The following KCNIP4 variants were observed in gnomAD, a reference collection of about 807,000 sequenced individuals.
KCNIP4 encodes Kv channel-interacting protein 4.
KCNIP4 carries 12 observed loss-of-function variants against 34.0 expected under a neutral mutation model. The ratio of observed to expected loss-of-function variants is 0.35; its 90% CI spans 0.23 to 0.57. The LOEUF (loss-of-function observed/expected upper bound fraction) is 0.57. Among genes scored for constraint, KCNIP4 ranks in the 20% least tolerant of loss-of-function variants. The pLI is 0.83. For synonymous variants in KCNIP4, 124 were observed against 102.2 expected (o/e 1.21, Z -1.29); for missense variants, 238 against 311.7 (o/e 0.76, Z 1.78).
intron 1 of KCNIP4, among the ~76,000 whole-genome samples, chr4:21,728,616 G>T (rs1715371328): frequency 6.6e-6 from 1 of 152,120 alleles, no homozygotes; most frequent in Admixed American, 6.5e-5. Flanking sequence ...TGAGGAAAAA[G>T]CACTTAAACC....
intron 1 of KCNIP4, among the ~76,000 whole-genome samples, chr4:21,775,069 C>A (rs2109199359): frequency 6.6e-6 from 1 of 152,182 alleles, no homozygotes; most frequent in South Asian, 2.1e-4. Flanking sequence ...TTGATTATTT[C>A]TCATCTTTGT....
At chr4:20,785,594 G>A (rs1286927540) in intron 3 of KCNIP4, among the ~76,000 whole-genome samples, 3 of 151,980 alleles carry the variant, frequency 2.0e-5, no homozygotes, top group Non-Finnish European at 2.9e-5. Context: ...GATCAGTGAT[G>A]CTATTTCAGA....
chr4:21,176,308 G>A (rs1463572032), intron 1 of KCNIP4, among the ~76,000 whole-genome samples: 1 of 152,128 alleles, frequency 6.6e-6, no homozygotes, highest in East Asian at 1.9e-4. Flanking sequence ...GTTGGATCTT[G>A]GAGATCCTTC....
intron 1 of KCNIP4, among the ~76,000 whole-genome samples, chr4:21,856,927 TG>T (rs1475925818): frequency 5.3e-5 from 8 of 152,234 alleles, no homozygotes; most frequent in African/African-American, 1.9e-4. Context: ...CTCCAGACTT[TG>T]GGCACCGAGG....
chr4:21,852,530 T>A (rs1383120071), intron 1 of KCNIP4: 2 of 152,226 alleles, frequency 1.3e-5, no homozygotes, highest in African/African-American at 2.4e-5. Context: ...ACTCTATTTG[T>A]TAATAGGGTA....
chr4:20,935,532 T>C (rs1425117726), intron 1 of KCNIP4, among the ~76,000 whole-genome samples: 1 of 152,158 alleles, frequency 6.6e-6, no homozygotes, highest in Non-Finnish European at 1.5e-5. Context: ...CTCTAGGCCA[T>C]TCTTATTTCT....
intron 1 of KCNIP4, among the ~76,000 whole-genome samples, chr4:21,867,852 A>G (rs996300050): frequency 6.6e-6 from 1 of 152,232 alleles, no homozygotes; most frequent in East Asian, 1.9e-4. Flanking sequence ...CAATAAAACA[A>G]AAGCATTTGT....
intron 1 of KCNIP4, among the ~76,000 whole-genome samples, chr4:21,123,864 G>A (rs779040352): frequency 2.0e-5 from 3 of 152,028 alleles, no homozygotes; most frequent in Admixed American, 1.3e-4. Flanking sequence ...GGCTGTCTCC[G>A]AGCCAAGAAG....
chr4:21,461,089 A>C (rs1017353946), intron 1 of KCNIP4, among the ~76,000 whole-genome samples: 5 of 152,054 alleles, frequency 3.3e-5, no homozygotes, highest in Admixed American at 6.6e-5. Context: ...ATGTCAAATG[A>C]GGGGCCTGCT....
chr4:20,924,357 C>A, intron 1 of KCNIP4, among the ~76,000 whole-genome samples: 1 of 152,162 alleles, frequency 6.6e-6, no homozygotes, highest in Admixed American at 6.5e-5. Flanking sequence ...AGCCTAAGCA[C>A]GATCTTTGTG....
intron 1 of KCNIP4, among the ~76,000 whole-genome samples, chr4:21,350,134 A>G (rs1377603973): frequency 1.3e-5 from 2 of 152,180 alleles, no homozygotes; most frequent in Non-Finnish European, 2.9e-5. Context: ...GTATGTTATC[A>G]TTAGTAATAA....
intron 1 of KCNIP4, among the ~76,000 whole-genome samples, chr4:21,040,848 C>A (rs140953329): frequency 6.7e-6 from 1 of 149,554 alleles, no homozygotes; most frequent in East Asian, 2.0e-4. Context: ...ATATAAGAAG[C>A]GTTTTTTTTT....
chr4:21,772,701 A>G (rs1280293251), intron 1 of KCNIP4, among the ~76,000 whole-genome samples: 3 of 151,966 alleles, frequency 2.0e-5, no homozygotes, highest in South Asian at 4.1e-4. Flanking sequence ...TTTCTAGTTT[A>G]TTTGTGTAGA....
chr4:21,487,367 C>A (rs1732009027), intron 1 of KCNIP4, among the ~76,000 whole-genome samples: 1 of 152,126 alleles, frequency 6.6e-6, no homozygotes, highest in Admixed American at 6.6e-5. Context: ...AAGATGAATG[C>A]AGAAGAAAAG....
rs537237153 is a variant in KCNIP4 at position 20,939,752 on chromosome 4, T to C, written c.62-57043A>G. Reference sequence around the variant, plus strand: ...TTGACTATACCACTTTCTTACCCAGTCACCCACACTGGAAGCATCTTGGAC... The same window carrying C: ...TTGACTATACCACTTTCTTACCCAGCCACCCACACTGGAAGCATCTTGGAC... On this transcript the variant is annotated intron_variant, in intron 1 of 8. Coordinates refer to ENST00000382152, the MANE Select transcript of KCNIP4 (RefSeq NM_025221.6). Among the ~76,000 whole-genome samples the C allele has an allele frequency of 3.3e-5, 5 of 152,252 alleles. No individual in the cohort carries two copies. In the East Asian group the frequency reaches 9.7e-4, roughly 29 times the overall value.
chr4:21,138,114 TG>T (rs1474287513), intron 1 of KCNIP4, among the ~76,000 whole-genome samples: 1 of 152,058 alleles, frequency 6.6e-6, no homozygotes, highest in Non-Finnish European at 1.5e-5. Flanking sequence ...TCAAGTGATC[TG>T]CCCGACTCGG....
rs377160034 is a variant in KCNIP4, at chr4:21,757,012, G to A, written c.61+191559C>T. 3.7e-3 allele frequency among the ~76,000 whole-genome samples: 553 copies of A among 151,074 alleles called. 3 individuals are homozygous for A. Among genetic ancestry groups the A allele is most frequent in the African/African-American group, 0.013 (522 of 41,116 alleles). The stretch of plus-strand genomic sequence containing the variant: ...CTTGGGAGGCTGAGGCAGCAGAATC[G>A]CTTGAACCTGGGAGGTGGAGGTTGC... On this transcript the variant is annotated intron_variant, in intron 1 of 8. Coordinates refer to ENST00000382152, the MANE Select transcript of KCNIP4 (RefSeq NM_025221.6).
At chr4:21,550,785 T>G (rs994193939) in intron 1 of KCNIP4, among the ~76,000 whole-genome samples, 1 of 152,054 alleles carries the variant, frequency 6.6e-6, no homozygotes, top group African/African-American at 2.4e-5. Flanking sequence ...AGAAAGAAAT[T>G]TTGTGTGAGC....
At chr4:21,678,053 C>T (rs1750046052) in intron 1 of KCNIP4, among the ~76,000 whole-genome samples, 1 of 152,144 alleles carries the variant, frequency 6.6e-6, no homozygotes, top group African/African-American at 2.4e-5. Context: ...CGCCTGGCCC[C>T]ACTGTTTCTA....
Sources: gnomAD v4.1 joint callset for allele counts (sites outside exome capture counted in the v4.1 genomes callset) on GRCh38, gnomAD v4.1.1 for gene constraint, MANE v1.5 for transcripts, NCBI Gene and HGNC (gene_info 2026-07-23, HGNC 2026-07-21) for gene names.